Variants in HELZ observed in about 807,000 individuals in gnomAD.
HELZ encodes ATP-dependent RNA helicase with zinc finger domain.
Under a neutral mutation model 218.2 loss-of-function variants are expected in HELZ, and 23 were observed. That is an observed-to-expected ratio of 0.11 (90% confidence interval 0.08 to 0.15). The LOEUF (loss-of-function observed/expected upper bound fraction) is 0.15, where lower values mean the gene tolerates loss of function less well. Among genes scored for constraint, HELZ ranks in the 10% least tolerant of loss-of-function variants. HELZ has a pLI of 1.00. For missense variants in HELZ, 1,813 were observed against 2,353.7 expected, an observed-to-expected ratio of 0.77 and a Z score of 4.75; for synonymous variants, 814 against 829.4, an observed-to-expected ratio of 0.98 and a Z score of 0.32.
intron 31 of HELZ, among the ~76,000 whole-genome samples, chr17:67,092,428 G>T (rs539338959): frequency 6.6e-6 from 1 of 152,274 alleles, no homozygotes; most frequent in Admixed American, 6.5e-5. Context: ...GATAAAATTA[G>T]GGGGGTTAAA....
At chr17:67,126,858 T>C (rs946589394) in intron 24 of HELZ, among the ~76,000 whole-genome samples, 1 of 151,414 alleles carries the variant, frequency 6.6e-6, no homozygotes, top group African/African-American at 2.4e-5. Flanking sequence ...CAAGACTGTC[T>C]CAAAAAATAA....
At chr17:67,242,929 C>G (rs1303710151) in intron 2 of HELZ, among the ~76,000 whole-genome samples, 1 of 151,194 alleles carries the variant, frequency 6.6e-6, no homozygotes, top group African/African-American at 2.4e-5. Context: ...TCCAGAGGCC[C>G]AGATGTGTGG....
chr17:67,172,126 C>T (rs954799974), intron 13 of HELZ, among the ~76,000 whole-genome samples: 1 of 152,154 alleles, frequency 6.6e-6, no homozygotes, highest in African/African-American at 2.4e-5. Flanking sequence ...AGCCACCACA[C>T]CCAGCCTTGT....
chr17:67,181,007 C>T (rs149366344), intron 12 of HELZ, among the ~76,000 whole-genome samples: 3 of 151,668 alleles, frequency 2.0e-5, no homozygotes, highest in African/African-American at 7.3e-5. Context: ...GAGCCAAGAT[C>T]GCGCCACTGC....
chr17:67,139,641 G>C (rs1251154135), intron 21 of HELZ, among the ~76,000 whole-genome samples: 1 of 152,164 alleles, frequency 6.6e-6, no homozygotes, highest in Admixed American at 6.5e-5. Flanking sequence ...ACAGATCAAA[G>C]AGGTTACAAG....
Position 67,191,141 on chromosome 17 carries a change from T to C in HELZ, c.558-786A>G, listed in dbSNP as rs757810727. ...TGGGAATTTCATTCTGAAAAAACAGTTAACATATGACTAATTACCATTTTA... is the reference window on the plus strand; with the variant it reads ...TGGGAATTTCATTCTGAAAAAACAGCTAACATATGACTAATTACCATTTTA... On this transcript the variant is annotated intron_variant, in intron 9 of 32. Coordinates refer to ENST00000358691, the MANE Select transcript of HELZ (RefSeq NM_014877.4). Among the ~76,000 whole-genome samples the C allele has an allele frequency of 6.5e-4, 99 of 152,228 alleles. 1 individual carries two copies. The highest frequency in any genetic ancestry group is 2.9e-4 in the Non-Finnish European group (20 of 68,030).
At chr17:67,100,119 T>C (rs145227658) in intron 31 of HELZ, among the ~76,000 whole-genome samples, 1,660 of 152,276 alleles carry the variant, frequency 0.011, 19 homozygotes, top group South Asian at 0.018. Flanking sequence ...CAACCAAGAT[T>C]ATAATCTTCA....
intron 2 of HELZ, among the ~76,000 whole-genome samples, chr17:67,240,751 T>A (rs1199257499): frequency 6.6e-6 from 1 of 152,230 alleles, no homozygotes; most frequent in Non-Finnish European, 1.5e-5. Context: ...AAGATATATG[T>A]ATACACTCTG....
chr17:67,221,289 T>C (rs560739687), intron 3 of HELZ, among the ~76,000 whole-genome samples: 1 of 152,228 alleles, frequency 6.6e-6, no homozygotes, highest in South Asian at 2.1e-4. Flanking sequence ...ACCAAATATG[T>C]CTCCAGTAAA....
At chr17:67,096,002 G>A (rs2036732712) in intron 31 of HELZ, among the ~76,000 whole-genome samples, 1 of 152,148 alleles carries the variant, frequency 6.6e-6, no homozygotes, top group African/African-American at 2.4e-5. Context: ...TGATCCATGG[G>A]CTGCAGAATG....
At chr17:67,215,795 T>C in intron 5 of HELZ, 104 bp downstream of exon 5, 1 of 770,032 alleles carries the variant, frequency 1.3e-6, no homozygotes, top group Non-Finnish European at 2.3e-6. Context: ...CACAGTAAGG[T>C]GGGCTTTTCA....
At chr17:67,232,951 G>A (rs750316127) in intron 3 of HELZ, among the ~76,000 whole-genome samples, 2 of 152,156 alleles carry the variant, frequency 1.3e-5, no homozygotes, top group African/African-American at 2.4e-5. Context: ...CTGGCCAACT[G>A]AGTGAAACCC....
Position 67,201,963 on chromosome 17 carries a change from T to C in HELZ, c.373-778A>G, listed in dbSNP as rs891628881. Among the ~76,000 whole-genome samples the C allele has an allele frequency of 5.9e-5, 9 of 152,228 alleles. No individual in the cohort carries two copies. In the East Asian group the frequency reaches 1.5e-3, roughly 26 times the overall value. ...ACAATAATTCCTTAGAAAATAACTA[T>C]CCCGAGATGGGCCAATACATTACAC... On this transcript the variant is annotated intron_variant, in intron 6 of 32. Transcript: ENST00000358691.
At chr17:67,203,154 GA>G (rs1429661948) in intron 6 of HELZ, among the ~76,000 whole-genome samples, 164 bp downstream of exon 6, 1 of 151,818 alleles carries the variant, frequency 6.6e-6, no homozygotes, top group Non-Finnish European at 1.5e-5. Flanking sequence ...AGAAAAGAAA[GA>G]AAAGAAAAAT....
At chr17:67,182,079 G>T (rs1408693949) in intron 12 of HELZ, among the ~76,000 whole-genome samples, 2 of 152,156 alleles carry the variant, frequency 1.3e-5, no homozygotes, top group African/African-American at 4.8e-5. Flanking sequence ...ACTCAGGGCA[G>T]CCTGAGCCAG....
At chr17:67,153,043 TA>T (rs1196389971) in intron 17 of HELZ, among the ~76,000 whole-genome samples, 2 of 152,096 alleles carry the variant, frequency 1.3e-5, no homozygotes, top group Admixed American at 6.5e-5. Flanking sequence ...GGTTTTAGTG[TA>T]AAATTACAGA....
Position 67,167,471 on chromosome 17 carries a change from C to T in HELZ, c.1756G>A (p.Asp586Asn). 1 of 1,608,822 alleles carries T rather than the reference C, an allele frequency of 6.2e-7. No homozygotes were observed. Among genetic ancestry groups the T allele is most frequent in the Middle Eastern group, 1.7e-4 (1 of 6,052 alleles). The change falls in exon 14 of 33, where the codon GAC becomes AAC. Residue 586 changes from aspartate to asparagine, a missense_variant. By Grantham distance (23) the Asp-to-Asn change is conservative. Coordinates refer to ENST00000358691, the MANE Select transcript of HELZ (RefSeq NM_014877.4). ...GCAACCTTCAAACATACCTGTGTGTCACAGTCAGGCCGAAGATTAAGTTCT... is the reference window on the plus strand; with the variant it reads ...GCAACCTTCAAACATACCTGTGTGTTACAGTCAGGCCGAAGATTAAGTTCT... The part of the protein sequence containing the change: ...CEELNLRPDC[D>N]TQVELQFQLN...
intron 28 of HELZ, among the ~76,000 whole-genome samples, chr17:67,112,864 A>C (rs993725473): frequency 2.0e-5 from 3 of 152,210 alleles, no homozygotes; most frequent in African/African-American, 4.8e-5. Context: ...AGGTCATGTT[A>C]GAGAGATTGT....
chr17:67,218,389 GT>G (rs1303285482), intron 4 of HELZ, among the ~76,000 whole-genome samples: 1 of 152,154 alleles, frequency 6.6e-6, no homozygotes, highest in Non-Finnish European at 1.5e-5. Flanking sequence ...TACTTGTTGA[GT>G]GAGTGCATAA....
Sources: gnomAD v4.1 joint callset for allele counts (sites outside exome capture counted in the v4.1 genomes callset) on GRCh38, gnomAD v4.1.1 for gene constraint, MANE v1.5 for transcripts, NCBI Gene and HGNC (gene_info 2026-07-23, HGNC 2026-07-21) for gene names.